The following DENND1A variants were observed in gnomAD, a reference collection of about 807,000 sequenced individuals.
The protein encoded by DENND1A is DENN domain containing 1A, also known as DENN domain-containing protein 1A.
In DENND1A, 51 loss-of-function variants were observed where a neutral mutation model predicts 113.7. The ratio of observed to expected loss-of-function variants is 0.45; its 90% CI spans 0.36 to 0.57. The LOEUF is 0.57. DENND1A is among the 20% of genes least tolerant of loss of function. The probability of loss-of-function intolerance (pLI) is 0.00; values close to 1 mark genes in which losing one functional copy is unlikely to be tolerated. For synonymous variants in DENND1A, 565 were observed against 570.8 expected (o/e 0.99, Z 0.14); for missense variants, 1,258 against 1,395.9 (o/e 0.90, Z 1.57).
intron 9 of DENND1A, among the ~76,000 whole-genome samples, chr9:123,639,808 A>G (rs557990923): frequency 3.9e-4 from 60 of 152,128 alleles, no homozygotes; most frequent in Admixed American, 9.8e-4. Context: ...CAAAAACAAA[A>G]AACAGCCACC....
At chr9:123,876,818 AAT>A (rs1415383191) in intron 2 of DENND1A, among the ~76,000 whole-genome samples, 2 of 152,238 alleles carry the variant, frequency 1.3e-5, no homozygotes, top group Non-Finnish European at 2.9e-5. Flanking sequence ...ATACAGAATC[AAT>A]ATAAGTGTCC....
intron 5 of DENND1A, among the ~76,000 whole-genome samples, chr9:123,711,486 A>AAAATATATATATATATGT (rs1318894625): frequency 3.1e-4 from 32 of 101,770 alleles, no homozygotes; most frequent in African/African-American, 1.1e-3. Context: ...TAAATTAAAA[A>AAAATATATATATATATGT]ATATATATAT....
At chr9:123,695,982 CAAAA>C in intron 5 of DENND1A, among the ~76,000 whole-genome samples, 1 of 106,566 alleles carries the variant, frequency 9.4e-6, no homozygotes, top group South Asian at 3.0e-4. Context: ...TCTGTTAATA[CAAAA>C]AAAAAAAAAA....
At chr9:123,885,248 A>G (rs1049969073) in intron 1 of DENND1A, among the ~76,000 whole-genome samples, 3 of 152,202 alleles carry the variant, frequency 2.0e-5, no homozygotes, top group Non-Finnish European at 2.9e-5. Flanking sequence ...CCAGGCACTG[A>G]TACTTTTTAA....
intron 2 of DENND1A, among the ~76,000 whole-genome samples, chr9:123,806,732 A>G (rs558408768): frequency 6.6e-6 from 1 of 152,320 alleles, no homozygotes; most frequent in African/African-American, 2.4e-5. Context: ...AAAGGCAAGG[A>G]TCTTCGCTTA....
intron 13 of DENND1A, among the ~76,000 whole-genome samples, chr9:123,526,571 C>T (rs779215446): frequency 3.3e-5 from 5 of 152,232 alleles, no homozygotes; most frequent in Non-Finnish European, 7.3e-5. Flanking sequence ...CTACCTCCGC[C>T]ACCTCGACAT....
intron 5 of DENND1A, among the ~76,000 whole-genome samples, chr9:123,677,337 C>T (rs574360236): frequency 1.1e-3 from 166 of 152,352 alleles, no homozygotes; most frequent in African/African-American, 3.9e-3. Context: ...ATCCCCACTG[C>T]CCTCCACCAG....
chr9:123,386,755 GGAAAGGATCAGGACCCTC>G (rs2042584960), intron 22 of DENND1A, among the ~76,000 whole-genome samples: 1 of 152,214 alleles, frequency 6.6e-6, no homozygotes, highest in Admixed American at 6.5e-5. Flanking sequence ...CCTGCTGGCA[GGAAAGGATCAGGACCCTC>G]TGACCCTGTG....
chr9:123,596,561 G>C (rs1156608241), intron 11 of DENND1A, among the ~76,000 whole-genome samples: 1 of 152,142 alleles, frequency 6.6e-6, no homozygotes, highest in African/African-American at 2.4e-5. Context: ...GTTAAGATTT[G>C]AGCTTGGGAT....
intron 10 of DENND1A, 77 bp from the exon 11 acceptor site, chr9:123,609,558 T>G: frequency 1.3e-6 from 2 of 1,527,112 alleles, no homozygotes; most frequent in Non-Finnish European, 1.8e-6. Flanking sequence ...GGTTCACTAT[T>G]TGGAGAAAAA....
chr9:123,656,104 G>C (rs73665319), intron 8 of DENND1A, among the ~76,000 whole-genome samples: 7,196 of 152,324 alleles, frequency 0.047, 546 homozygotes, highest in African/African-American at 0.16. Context: ...GAAGGCTGGA[G>C]AAAGTGTGAC....
chr9:123,602,314 T>G (rs1022928874), intron 11 of DENND1A, among the ~76,000 whole-genome samples: 1 of 152,226 alleles, frequency 6.6e-6, no homozygotes, highest in Non-Finnish European at 1.5e-5. Context: ...TATACAAATA[T>G]TATACAAAAA....
intron 11 of DENND1A, among the ~76,000 whole-genome samples, chr9:123,600,831 A>G (rs926764117): frequency 8.7e-4 from 84 of 96,972 alleles, no homozygotes; most frequent in Non-Finnish European, 1.4e-3. Context: ...ACTCCATCAT[A>G]AAAAAAAAAA....
At chr9:123,647,596 G>A (rs1212782780) in intron 9 of DENND1A, among the ~76,000 whole-genome samples, 1 of 152,164 alleles carries the variant, frequency 6.6e-6, no homozygotes, top group Non-Finnish European at 1.5e-5. Flanking sequence ...TGTAGTTTGT[G>A]TGAATCCCTA....
In DENND1A at chr9:123,916,324, T is replaced by C. The variant is rs541461087; in HGVS notation, c.17+13565A>G. On this transcript the variant is annotated intron_variant, in intron 1 of 23. Transcript: ENST00000394215. ...AAAGTATACATGGAATGCTATCACT[T>C]ATCTGAGGGCCTGGCAAGAGGAGAT... Among the ~76,000 whole-genome samples the C allele has an allele frequency of 1.0e-3, 152 of 151,814 alleles. 1 individual carries two copies. The highest frequency in any genetic ancestry group is 3.4e-3 in the Middle Eastern group (1 of 290).
rs1852069379 is a variant in DENND1A at position 123,903,350 on chromosome 9, A to G, written c.18-24329T>C. Among the ~76,000 whole-genome samples, 5 of 150,660 alleles carry G rather than the reference A, an allele frequency of 3.3e-5. No homozygotes were observed. In the South Asian group the frequency reaches 1.0e-3, roughly 31 times the overall value. On this transcript the variant is annotated intron_variant, in intron 1 of 23. Transcript: ENST00000394215. The stretch of plus-strand genomic sequence containing the variant: ...CCGTCTCAAAAAAAAAAAAAAAAAA[A>G]AAAAAAAACTGGAAAAAAAGAAGAT...
chr9:123,718,114 T>C (rs1219668421), intron 5 of DENND1A, among the ~76,000 whole-genome samples: 1 of 152,186 alleles, frequency 6.6e-6, no homozygotes, highest in East Asian at 1.9e-4. Context: ...TGTAAAGCCT[T>C]AAAAGCACAT....
chr9:123,495,073 C>T (rs923244774), intron 13 of DENND1A, among the ~76,000 whole-genome samples: 64 of 151,696 alleles, frequency 4.2e-4, no homozygotes, highest in African/African-American at 1.3e-3. Context: ...ATTACAGGCA[C>T]GAGCCACTGC....
intron 13 of DENND1A, among the ~76,000 whole-genome samples, chr9:123,550,655 T>A (rs1397571733): frequency 1.3e-5 from 2 of 152,164 alleles, no homozygotes; most frequent in Non-Finnish European, 2.9e-5. Flanking sequence ...GAGACCAGCG[T>A]GTGTGAAATG....
Sources: allele counts gnomAD v4.1 joint callset (sites outside exome capture counted in the v4.1 genomes callset), GRCh38; gene constraint gnomAD v4.1.1; transcripts MANE v1.5; gene names NCBI Gene and HGNC (gene_info 2026-07-23, HGNC 2026-07-21).